PCP4: variants seen among roughly 807,000 people sequenced by gnomAD.
PCP4 encodes the protein calmodulin regulator protein PCP4.
In PCP4, 8 loss-of-function variants were observed where a neutral mutation model predicts 10.0. That is an observed-to-expected ratio of 0.80 (90% CI 0.47 to 1.45). PCP4 has a LOEUF of 1.45. Ranked by LOEUF, PCP4 falls within the 40% of genes most tolerant of loss-of-function variation. The probability of loss-of-function intolerance (pLI) is 0.00; values close to 1 mark genes in which losing one functional copy is unlikely to be tolerated. For missense variants in PCP4, 54 were observed against 74.4 expected (o/e 0.73, Z 1.01); for synonymous variants, 21 against 23.0 (o/e 0.91, Z 0.24).
In PCP4 at chr21:39,928,974, CT is replaced by C; in HGVS notation, c.62-8del. 6.2e-7 allele frequency: 1 copy of C among 1,610,380 alleles called. No individual in the cohort carries two copies. The highest frequency in any genetic ancestry group is 8.5e-7 in the Non-Finnish European group (1 of 1,178,010). On this transcript the variant is annotated splice_polypyrimidine_tract_variant and intron_variant, in intron 2 of 2. Transcript: ENST00000328619. Reference sequence around the variant, plus strand: ...GTGATTGCCTTCTGTTTGTGTTTGTCTTGCTACAGATGGACAGAAGAAAGTT... The same window carrying C: ...GTGATTGCCTTCTGTTTGTGTTTGTCTGCTACAGATGGACAGAAGAAAGTT...
intron 1 of PCP4, among the ~76,000 whole-genome samples, chr21:39,880,455 G>A (rs1431786543): frequency 6.7e-6 from 1 of 149,340 alleles, no homozygotes; most frequent in East Asian, 1.9e-4. Context: ...CTGTGTGTGC[G>A]TGTGTGTGAG....
intron 2 of PCP4, among the ~76,000 whole-genome samples, chr21:39,917,524 G>A (rs373361636): frequency 1.1e-4 from 17 of 152,262 alleles, no homozygotes; most frequent in South Asian, 2.1e-4. Context: ...GCCGGCTGCC[G>A]TCTTGGGCAA....
chr21:39,870,501 A>G (rs2087314447), intron 1 of PCP4, among the ~76,000 whole-genome samples: 1 of 152,090 alleles, frequency 6.6e-6, no homozygotes, highest in Non-Finnish European at 1.5e-5. Flanking sequence ...CCCTCATCGT[A>G]CTCACCCAGG....
At chr21:39,895,141 T>TTCCATCCATCCA (rs559466500) in intron 1 of PCP4, among the ~76,000 whole-genome samples, 2 of 150,962 alleles carry the variant, frequency 1.3e-5, no homozygotes, top group African/African-American at 4.9e-5. Flanking sequence ...CCATCCATTC[T>TTCCATCCATCCA]TCCATCCATC....
rs1804632 is a variant in PCP4, at chr21:39,929,298, T to C, written c.*187T>C. ...TGTAGGAAGGTATAGACAATGGAAT[T>C]GTGAGTAGCTTAATCTCTATGTTTC... On this transcript the variant is annotated 3_prime_UTR_variant, in exon 3 of 3. Transcript: ENST00000328619. The C allele has an allele frequency of 2.3e-6, 1 of 430,992 alleles. No homozygotes were observed. The highest frequency in any genetic ancestry group is 4.1e-6 in the Non-Finnish European group (1 of 246,302). The allele number at this position is 430,992 out of a possible 1,614,324, so 26.7% of individuals were successfully genotyped here.
intron 2 of PCP4, among the ~76,000 whole-genome samples, chr21:39,903,284 T>C (rs563383613): frequency 6.6e-6 from 1 of 152,314 alleles, no homozygotes; most frequent in Admixed American, 6.5e-5. Flanking sequence ...CTTAGCGAGC[T>C]GTGATGCATT....
rs1568857026 is a variant in PCP4 at position 39,903,097 on chromosome 21, AT to A, written c.61+4577del. On this transcript the variant is annotated intron_variant, in intron 2 of 2. Coordinates refer to ENST00000328619, the MANE Select transcript of PCP4 (RefSeq NM_006198.3). ...TGTCCGGAGAGACTCCAAGAGTTAA[AT>A]TTTTTTATTGACACACAAAAGCAGA... Among the ~76,000 whole-genome samples, 3 of 152,290 alleles carry A rather than the reference AT, an allele frequency of 2.0e-5. No homozygotes were observed. The East Asian group carries it at 5.8e-4, about 29-fold the overall frequency.
At chr21:39,887,987 T>C (rs1454530033) in intron 1 of PCP4, among the ~76,000 whole-genome samples, 2 of 152,204 alleles carry the variant, frequency 1.3e-5, no homozygotes, top group African/African-American at 4.8e-5. Flanking sequence ...ATACCAAAGA[T>C]ATGCGGATTC....
chr21:39,883,565 G>A (rs913951460), intron 1 of PCP4: 4 of 152,190 alleles, frequency 2.6e-5, no homozygotes, highest in Non-Finnish European at 4.4e-5. Flanking sequence ...TAGAGCCTAC[G>A]TCCTTCATGA....
At chr21:39,895,117 A>G (rs946838575) in intron 1 of PCP4, among the ~76,000 whole-genome samples, 73 of 151,846 alleles carry the variant, frequency 4.8e-4, no homozygotes, top group Middle Eastern at 3.4e-3. Flanking sequence ...CCACTCATCC[A>G]TCCTTAGGTC....
Position 39,886,468 on chromosome 21 carries a change from G to A in PCP4, c.10-12008G>A, listed in dbSNP as rs556937650. 2.6e-4 allele frequency among the ~76,000 whole-genome samples: 39 copies of A among 152,296 alleles called. 1 individual carries two copies. Among genetic ancestry groups the A allele is most frequent in the Admixed American group, 1.9e-3 (29 of 15,300 alleles). Reference sequence around the variant, plus strand: ...TAAAAATACAAAATTAGCTGGGCATGGTGGTAGATGCCTGTAATCCCAGCT... The same window carrying A: ...TAAAAATACAAAATTAGCTGGGCATAGTGGTAGATGCCTGTAATCCCAGCT... On this transcript the variant is annotated intron_variant, in intron 1 of 2. Coordinates refer to ENST00000328619, the MANE Select transcript of PCP4 (RefSeq NM_006198.3).
chr21:39,871,016 G>A (rs1188109099), intron 1 of PCP4, among the ~76,000 whole-genome samples: 1 of 152,188 alleles, frequency 6.6e-6, no homozygotes, highest in East Asian at 1.9e-4. Flanking sequence ...TCTGTTCTTA[G>A]CACCCAAACA....
In PCP4 at chr21:39,929,242, C is replaced by A. The variant is rs907586269; in HGVS notation, c.*131C>A. ...ACACACGCATAGCAAACCTCCAATG[C>A]ATGTACAGAAACCTGTGATATTTAT... On this transcript the variant is annotated 3_prime_UTR_variant, in exon 3 of 3. Transcript: ENST00000328619. 1.3e-6 allele frequency: 1 copy of A among 775,406 alleles called. No homozygotes were observed. The highest frequency in any genetic ancestry group is 2.0e-5 in the South Asian group (1 of 50,002). The allele number at this position is 775,406 out of a possible 1,614,324, so 48.0% of individuals were successfully genotyped here.
intron 1 of PCP4, among the ~76,000 whole-genome samples, chr21:39,882,331 A>T (rs1251852488): frequency 6.6e-6 from 1 of 152,152 alleles, no homozygotes; most frequent in Non-Finnish European, 1.5e-5. Context: ...AGGATGGATG[A>T]CTGCTTAGGG....
chr21:39,884,835 C>T (rs2087392448), intron 1 of PCP4, among the ~76,000 whole-genome samples: 1 of 150,830 alleles, frequency 6.6e-6, no homozygotes, highest in African/African-American at 2.5e-5. Flanking sequence ...AGAGATTATT[C>T]TATCACCTGA....
chr21:39,889,597 T>C (rs1003476931), intron 1 of PCP4, among the ~76,000 whole-genome samples: 2 of 151,042 alleles, frequency 1.3e-5, no homozygotes, highest in Admixed American at 1.3e-4. Context: ...TTTGTATTTT[T>C]AGTAGAGATG....
chr21:39,920,020 T>C (rs1329188873), intron 2 of PCP4, among the ~76,000 whole-genome samples: 1 of 139,508 alleles, frequency 7.2e-6, no homozygotes, highest in Non-Finnish European at 1.6e-5. Flanking sequence ...ATGTGTGTGG[T>C]GTGTGGGTGT....
chr21:39,928,368 G>A (rs1395480612), intron 2 of PCP4, among the ~76,000 whole-genome samples: 1 of 152,232 alleles, frequency 6.6e-6, no homozygotes, highest in Admixed American at 6.5e-5. Flanking sequence ...CTGTCACCGT[G>A]TGAATTGGTG....
chr21:39,920,043 G>C (rs1359883738), intron 2 of PCP4, among the ~76,000 whole-genome samples: 1 of 127,518 alleles, frequency 7.8e-6, no homozygotes, highest in African/African-American at 2.7e-5. Context: ...GTATGTATGT[G>C]TGGTGTGTGT....
Sources: allele counts gnomAD v4.1 joint callset (sites outside exome capture counted in the v4.1 genomes callset), GRCh38; gene constraint gnomAD v4.1.1; transcripts MANE v1.5; gene names NCBI Gene and HGNC (gene_info 2026-07-23, HGNC 2026-07-21).